Variants in PCNX2 observed in about 807,000 individuals in gnomAD.
PCNX2 encodes pecanex 2.
In PCNX2, 168 loss-of-function variants were observed where a neutral mutation model predicts 223.8. The observed-to-expected ratio is 0.75, with a 90% CI of 0.66 to 0.85. PCNX2 has a LOEUF of 0.85. Ranked by LOEUF, PCNX2 falls within the 40% of genes least tolerant of loss-of-function variation. PCNX2 has a pLI of 0.00. For missense variants in PCNX2, 2,507 were observed against 2,675.5 expected, an observed-to-expected ratio of 0.94 and a Z score of 1.39; for synonymous variants, 1,006 against 1,052.6, an observed-to-expected ratio of 0.96 and a Z score of 0.86.
At chr1:233,081,994 T>G (rs945748165) in intron 23 of PCNX2, among the ~76,000 whole-genome samples, 16 of 148,384 alleles carry the variant, frequency 1.1e-4, no homozygotes, top group African/African-American at 3.5e-4. Context: ...CTGTGTGTGT[T>G]TGTGTGTGTG....
At chr1:233,174,930 G>A (rs1279390469) in intron 17 of PCNX2, among the ~76,000 whole-genome samples, 1 of 152,156 alleles carries the variant, frequency 6.6e-6, no homozygotes, top group Non-Finnish European at 1.5e-5. Flanking sequence ...TTCCTGAAGT[G>A]CAATCTGTGG....
At chr1:233,008,781 T>G (rs1670369474) in intron 28 of PCNX2, among the ~76,000 whole-genome samples, 1 of 152,182 alleles carries the variant, frequency 6.6e-6, no homozygotes, top group South Asian at 2.1e-4. Context: ...ATCCCAGGGT[T>G]GAAGCATCCC....
chr1:233,021,257 T>G (rs941407696), intron 26 of PCNX2, among the ~76,000 whole-genome samples: 2 of 152,194 alleles, frequency 1.3e-5, no homozygotes, highest in Non-Finnish European at 2.9e-5. Flanking sequence ...ACCGTGTTTT[T>G]GGGCATCTGC....
chr1:233,133,192 C>CCAGG (rs1480750493), intron 21 of PCNX2, among the ~76,000 whole-genome samples: 5 of 152,094 alleles, frequency 3.3e-5, no homozygotes, highest in African/African-American at 1.2e-4. Flanking sequence ...AGCCACTGTG[C>CCAGG]CAGGCCACAT....
At chr1:233,198,437 CTCA>C (rs1680861967) in intron 15 of PCNX2, among the ~76,000 whole-genome samples, 1 of 152,156 alleles carries the variant, frequency 6.6e-6, no homozygotes, top group Admixed American at 6.5e-5. Flanking sequence ...ATCTTGTTTT[CTCA>C]TCATCTTAGG....
In PCNX2 at chr1:232,999,254, G is replaced by A. The variant is rs776170941; in HGVS notation, c.5454C>T (p.Asn1818=). 4 of 1,613,642 alleles carry A rather than the reference G, an allele frequency of 2.5e-6. No individual in the cohort carries two copies. Among genetic ancestry groups the A allele is most frequent in the Non-Finnish European group, 3.4e-6 (4 of 1,179,748 alleles). Reference sequence around the variant, plus strand: ...ACCCCAGGGGCTGATCGCAGGAGGAGTTAATCAAGTTCCGCAGGACCTGCT... The same window carrying A: ...ACCCCAGGGGCTGATCGCAGGAGGAATTAATCAAGTTCCGCAGGACCTGCT... ...NNKQVLRNLI[N]SSCDQPLGYP... is the part of the protein sequence containing the mutation. The change falls in exon 31 of 34, where the codon AAC becomes AAT. Residue 1818 remains asparagine, a synonymous_variant. Coordinates refer to ENST00000258229, the MANE Select transcript of PCNX2 (RefSeq NM_014801.4).
At chr1:233,042,007 T>C (rs1671661777) in intron 25 of PCNX2, among the ~76,000 whole-genome samples, 1 of 152,238 alleles carries the variant, frequency 6.6e-6, no homozygotes, top group South Asian at 2.1e-4. Flanking sequence ...ATAGGGTTTA[T>C]AAGAAACATA....
intron 17 of PCNX2, among the ~76,000 whole-genome samples, chr1:233,165,091 T>C (rs572390433): frequency 4.1e-4 from 62 of 152,338 alleles, no homozygotes; most frequent in African/African-American, 1.5e-3. Context: ...AATTTCATCA[T>C]TGCAGAATGC....
At chr1:233,270,917 T>G (rs1429040882) in intron 1 of PCNX2, among the ~76,000 whole-genome samples, 1 of 152,240 alleles carries the variant, frequency 6.6e-6, no homozygotes, top group Admixed American at 6.5e-5. Flanking sequence ...AGAATCATTG[T>G]AGACTTACTC....
intron 25 of PCNX2, among the ~76,000 whole-genome samples, chr1:233,025,859 T>C (rs1394889231): frequency 1.3e-5 from 2 of 152,146 alleles, no homozygotes; most frequent in East Asian, 3.9e-4. Flanking sequence ...CACGCAAAAA[T>C]GGTAGTTGTT....
chr1:233,197,340 GA>G (rs1680795235), intron 15 of PCNX2, among the ~76,000 whole-genome samples: 1 of 152,116 alleles, frequency 6.6e-6, no homozygotes, highest in Admixed American at 6.6e-5. Flanking sequence ...AAACACCTGT[GA>G]CCCCAGAGTT....
At chr1:233,050,905 A>G (rs1671981016) in intron 25 of PCNX2, among the ~76,000 whole-genome samples, 1 of 152,224 alleles carries the variant, frequency 6.6e-6, no homozygotes. Flanking sequence ...AATGGGAGAT[A>G]ATATTCCCAA....
At chr1:233,291,675 A>G (rs965682085) in intron 1 of PCNX2, 14 of 982,870 alleles carry the variant, frequency 1.4e-5, no homozygotes, top group Non-Finnish European at 1.7e-5. Context: ...TAGTGCTCTC[A>G]GGACTTACAC....
intron 4 of PCNX2, 70 bp downstream of exon 4, chr1:233,261,215 G>T: frequency 1.4e-6 from 2 of 1,395,794 alleles, no homozygotes; most frequent in African/African-American, 1.4e-5. Flanking sequence ...CTGGCATTCT[G>T]TTTTATAAAA....
chr1:233,173,923 C>A (rs1426783809), intron 17 of PCNX2, among the ~76,000 whole-genome samples: 2 of 151,582 alleles, frequency 1.3e-5, no homozygotes, highest in East Asian at 1.9e-4. Context: ...TCTTATTAAT[C>A]ATAGTTGATT....
intron 13 of PCNX2, among the ~76,000 whole-genome samples, chr1:233,201,160 A>G (rs1260902052): frequency 6.6e-6 from 1 of 150,750 alleles, no homozygotes; most frequent in Non-Finnish European, 1.5e-5. Context: ...GGAACAAAGT[A>G]CTGAGGAACT....
chr1:233,130,408 A>T lies in PCNX2; in HGVS notation c.3837+4605T>A, dbSNP rs560875954. Among the ~76,000 whole-genome samples the T allele has an allele frequency of 5.3e-5, 8 of 151,138 alleles. No individual in the cohort carries two copies. The East Asian group carries it at 1.2e-3, about 22-fold the overall frequency. ...ACCCACCGTCTCGATACACGGCTGCACTTAATTTGTCTGGTGGGTTCCAGC... is the reference window on the plus strand; with the variant it reads ...ACCCACCGTCTCGATACACGGCTGCTCTTAATTTGTCTGGTGGGTTCCAGC... On this transcript the variant is annotated intron_variant, in intron 21 of 33. Transcript: ENST00000258229.
intron 15 of PCNX2, among the ~76,000 whole-genome samples, chr1:233,179,595 A>C (rs1679678337): frequency 6.6e-6 from 1 of 152,232 alleles, no homozygotes; most frequent in Admixed American, 6.5e-5. Context: ...TAAATAGACT[A>C]ATGAACTGAA....
At chr1:233,317,445 C>G in the PCNX2 span, among the ~76,000 whole-genome samples, 4 of 151,304 alleles carry the variant, frequency 2.6e-5, no homozygotes, top group Admixed American at 2.0e-4. Flanking sequence ...CAAACCAAAC[C>G]AAAACAAAAA....
Sources: gnomAD v4.1 joint callset for allele counts (sites outside exome capture counted in the v4.1 genomes callset) on GRCh38, gnomAD v4.1.1 for gene constraint, MANE v1.5 for transcripts, NCBI Gene and HGNC (gene_info 2026-07-23, HGNC 2026-07-21) for gene names.